GRM8: variants seen among roughly 807,000 people sequenced by gnomAD.
GRM8 encodes metabotropic glutamate receptor 8.
A neutral mutation model predicts 87.2 loss-of-function variants in GRM8; 47 were observed. The observed-to-expected ratio is 0.54, with a 90% confidence interval of 0.43 to 0.69. GRM8 has a LOEUF of 0.69. GRM8 is among the 30% of genes least tolerant of loss of function. The pLI is 0.00. For missense variants in GRM8, 1,019 were observed against 1,139.2 expected (o/e 0.89, Z 1.52); for synonymous variants, 396 against 404.5 (o/e 0.98, Z 0.25).
intron 9 of GRM8, among the ~76,000 whole-genome samples, chr7:126,449,764 C>T (rs1332803114): frequency 6.6e-6 from 1 of 151,820 alleles, no homozygotes. Flanking sequence ...CTCCCACTAA[C>T]CCACAAAAAT....
chr7:126,514,358 C>A (rs893680159), intron 9 of GRM8, among the ~76,000 whole-genome samples: 5 of 152,124 alleles, frequency 3.3e-5, no homozygotes, highest in Non-Finnish European at 7.4e-5. Context: ...GTGGGTATGG[C>A]TTAAACAATT....
intron 8 of GRM8, among the ~76,000 whole-genome samples, chr7:126,584,841 CAA>C (rs989003364): frequency 2.1e-5 from 3 of 142,980 alleles, no homozygotes; most frequent in African/African-American, 2.6e-5. Context: ...GCTGTGAGAG[CAA>C]AAAAAAAAAT....
chr7:126,705,694 C>T (rs1810430570), intron 7 of GRM8, among the ~76,000 whole-genome samples: 1 of 145,368 alleles, frequency 6.9e-6, no homozygotes, highest in Non-Finnish European at 1.6e-5. Flanking sequence ...GTTATTTGAA[C>T]TCATAGTCAT....
chr7:126,670,729 A>C (rs1806284410), intron 7 of GRM8, among the ~76,000 whole-genome samples: 1 of 152,260 alleles, frequency 6.6e-6, no homozygotes. Context: ...ACAAGAGTTA[A>C]GTAAATGGAC....
intron 3 of GRM8, among the ~76,000 whole-genome samples, chr7:127,077,587 C>T (rs1822414171): frequency 2.0e-5 from 3 of 152,170 alleles, no homozygotes; most frequent in Admixed American, 1.3e-4. Context: ...ATAAAAACCA[C>T]CCACACAGGG....
intron 6 of GRM8, among the ~76,000 whole-genome samples, chr7:126,831,875 G>C (rs1795413577): frequency 6.6e-6 from 1 of 152,156 alleles, no homozygotes; most frequent in Non-Finnish European, 1.5e-5. Flanking sequence ...ATGTCTATAA[G>C]TAAATTAGTT....
intron 2 of GRM8, among the ~76,000 whole-genome samples, chr7:127,119,310 AC>A (rs1826889336): frequency 6.6e-6 from 1 of 152,076 alleles, no homozygotes; most frequent in South Asian, 2.1e-4. Flanking sequence ...ACATGGTGAA[AC>A]CCCATCTCTA....
chr7:126,532,808 TA>T (rs1815061300), intron 9 of GRM8, 143 bp downstream of exon 9: 1 of 120,694 alleles, frequency 8.3e-6, no homozygotes, highest in Non-Finnish European at 1.5e-5. Context: ...TATATATATA[TA>T]TATATATGCA....
intron 6 of GRM8, among the ~76,000 whole-genome samples, chr7:126,897,996 A>G (rs1801709258): frequency 6.6e-6 from 1 of 152,176 alleles, no homozygotes; most frequent in African/African-American, 2.4e-5. Flanking sequence ...CTCTCATCCA[A>G]GTAAATACAT....
chr7:126,672,948 T>C (rs1394476592), intron 7 of GRM8, among the ~76,000 whole-genome samples: 1 of 152,146 alleles, frequency 6.6e-6, no homozygotes. Flanking sequence ...GCAGTTAAGA[T>C]AGTTCTTTGT....
At chr7:127,081,085 A>G (rs1200230620) in intron 3 of GRM8, among the ~76,000 whole-genome samples, 1 of 152,204 alleles carries the variant, frequency 6.6e-6, no homozygotes, top group Non-Finnish European at 1.5e-5. Context: ...GTCAGAGAAT[A>G]TAGAAATGAG....
At chr7:126,838,830 C>A (rs2130547184) in intron 6 of GRM8, among the ~76,000 whole-genome samples, 1 of 152,184 alleles carries the variant, frequency 6.6e-6, no homozygotes, top group East Asian at 1.9e-4. Context: ...ACCACAAAAC[C>A]TAAAAGATTA....
At chr7:126,629,896 T>C (rs1294322748) in intron 7 of GRM8, among the ~76,000 whole-genome samples, 1 of 152,174 alleles carries the variant, frequency 6.6e-6, no homozygotes, top group African/African-American at 2.4e-5. Context: ...AGTCTGACTT[T>C]AGCATAATCC....
chr7:126,650,449 C>T (rs1803686793), intron 7 of GRM8, among the ~76,000 whole-genome samples: 1 of 152,224 alleles, frequency 6.6e-6, no homozygotes, highest in East Asian at 1.9e-4. Flanking sequence ...TAGGATATCC[C>T]TGAAGGACAG....
intron 9 of GRM8, among the ~76,000 whole-genome samples, chr7:126,496,970 A>ATTTTTTTTTTT (rs71177562): frequency 7.0e-6 from 1 of 143,010 alleles, no homozygotes. Context: ...TGAGTTTTGG[A>ATTTTTTTTTTT]TTTTTTTTTT....
chr7:126,471,839 C>T (rs1563043755), intron 9 of GRM8, among the ~76,000 whole-genome samples: 1 of 152,030 alleles, frequency 6.6e-6, no homozygotes, highest in Non-Finnish European at 1.5e-5. Context: ...AATGTTCTTC[C>T]ATTTGTTTGT....
chr7:127,060,507 CAA>C (rs1820498413), intron 3 of GRM8, among the ~76,000 whole-genome samples: 2 of 151,882 alleles, frequency 1.3e-5, no homozygotes, highest in South Asian at 4.2e-4. Flanking sequence ...TAGTAAGAAA[CAA>C]GATACAATAT....
intron 7 of GRM8, among the ~76,000 whole-genome samples, chr7:126,702,951 G>A (rs1002246752): frequency 5.9e-5 from 9 of 152,100 alleles, no homozygotes; most frequent in Non-Finnish European, 1.2e-4. Flanking sequence ...CAGGGTCAAG[G>A]CTGGGAAAAG....
At chr7:127,024,671 C>T (rs1158595640) in intron 3 of GRM8, among the ~76,000 whole-genome samples, 1 of 152,090 alleles carries the variant, frequency 6.6e-6, no homozygotes, top group Non-Finnish European at 1.5e-5. Context: ...AAATTGATCC[C>T]TGACCTCATC....
Sources: gnomAD v4.1 joint callset for allele counts (sites outside exome capture counted in the v4.1 genomes callset) on GRCh38, gnomAD v4.1.1 for gene constraint, MANE v1.5 for transcripts, NCBI Gene and HGNC (gene_info 2026-07-23, HGNC 2026-07-21) for gene names.